Variants in TMEM132D observed in about 807,000 individuals in gnomAD.
The protein encoded by TMEM132D is transmembrane protein 132D.
A neutral mutation model predicts 62.3 loss-of-function variants in TMEM132D; 21 were observed. The ratio of observed to expected loss-of-function variants is 0.34; its 90% CI spans 0.24 to 0.49. The LOEUF (loss-of-function observed/expected upper bound fraction) is 0.49. Ranked by LOEUF, TMEM132D falls within the 20% of genes least tolerant of loss-of-function variation. The probability of loss-of-function intolerance (pLI) is 0.99; values close to 1 mark genes in which losing one functional copy is unlikely to be tolerated. For synonymous variants in TMEM132D, 621 were observed against 575.6 expected (o/e 1.08, Z -1.13); for missense variants, 1,346 against 1,402.8 (o/e 0.96, Z 0.65).
chr12:129,557,580 G>A (rs954478397), intron 2 of TMEM132D, among the ~76,000 whole-genome samples: 1 of 152,180 alleles, frequency 6.6e-6, no homozygotes, highest in Admixed American at 6.5e-5. Context: ...GCCAGGTGTG[G>A]TAAGGCATGC....
chr12:129,902,227 CTT>C (rs1430175126), intron 1 of TMEM132D, among the ~76,000 whole-genome samples: 1 of 152,234 alleles, frequency 6.6e-6, no homozygotes, highest in African/African-American at 2.4e-5. Context: ...AATTAAAAGA[CTT>C]TGTGCGTGAT....
intron 3 of TMEM132D, among the ~76,000 whole-genome samples, chr12:129,412,116 TA>T (rs1351068325): frequency 6.6e-6 from 1 of 151,884 alleles, no homozygotes; most frequent in South Asian, 2.1e-4. Flanking sequence ...AAAGCCACTT[TA>T]AAAAAATACA....
At position 129,244,413 on chromosome 12, in the gene TMEM132D, A is replaced by AAAAAAAAAC. The variant is rs1880034317; in HGVS notation, c.1300-34751_1300-34750insGTTTTTTTT. Reference sequence around the variant, plus strand: ...AAAAAAAAAAAAAAAAAAAAAACAAACAAAAAGGAACAAGGTCTCTTATTC... The same window carrying AAAAAAAAAC: ...AAAAAAAAAAAAAAAAAAAAAACAAAAAAAAAAACCAAAAAGGAACAAGGTCTCTTATTC... On this transcript the variant is annotated intron_variant, in intron 4 of 8. Coordinates refer to ENST00000422113, the MANE Select transcript of TMEM132D (RefSeq NM_133448.3). Among the ~76,000 whole-genome samples the AAAAAAAAAC allele has an allele frequency of 2.0e-5, 3 of 150,890 alleles. No homozygotes were observed. The South Asian group carries it at 6.3e-4, about 32-fold the overall frequency.
chr12:129,357,508 GAGAA>G (rs1485157354), intron 3 of TMEM132D, among the ~76,000 whole-genome samples: 7 of 149,596 alleles, frequency 4.7e-5, no homozygotes, highest in Admixed American at 2.7e-4. Context: ...ACAAAGGAAG[GAGAA>G]AGAAAGAAGG....
intron 4 of TMEM132D, among the ~76,000 whole-genome samples, chr12:129,284,676 C>T (rs1375175419): frequency 3.9e-5 from 6 of 152,106 alleles, no homozygotes; most frequent in Non-Finnish European, 8.8e-5. Context: ...TGCCCATTGG[C>T]GGATGCATGG....
intron 5 of TMEM132D, among the ~76,000 whole-genome samples, chr12:129,114,425 C>T (rs1322664025): frequency 6.6e-6 from 1 of 151,532 alleles, no homozygotes; most frequent in East Asian, 1.9e-4. Flanking sequence ...TCCCTCCTTC[C>T]CTCCTTCCTC....
At chr12:129,544,033 T>C (rs1035038476) in intron 2 of TMEM132D, among the ~76,000 whole-genome samples, 1 of 152,244 alleles carries the variant, frequency 6.6e-6, no homozygotes, top group South Asian at 2.1e-4. Flanking sequence ...AAGAGATGCA[T>C]GTGCTCAATT....
intron 1 of TMEM132D, among the ~76,000 whole-genome samples, chr12:129,799,775 G>A (rs1216692432): frequency 6.6e-6 from 1 of 152,172 alleles, no homozygotes. Flanking sequence ...CCATGGAAGG[G>A]CGGAGGGAGA....
At chr12:129,522,771 T>G (rs540634512) in intron 3 of TMEM132D, 1 of 151,936 alleles carries the variant, frequency 6.6e-6, no homozygotes, top group South Asian at 2.1e-4. Context: ...ATACTTTAGA[T>G]TTTACGGTGT....
At chr12:129,664,773 T>C (rs184207757) in intron 2 of TMEM132D, among the ~76,000 whole-genome samples, 35 of 152,140 alleles carry the variant, frequency 2.3e-4, no homozygotes, top group African/African-American at 7.7e-4. Context: ...TCAGAGAAGG[T>C]AGAAATCCTT....
At chr12:129,186,211 G>A (rs1423383403) in intron 5 of TMEM132D, among the ~76,000 whole-genome samples, 1 of 152,180 alleles carries the variant, frequency 6.6e-6, no homozygotes, top group African/African-American at 2.4e-5. Context: ...AAATTCAGGT[G>A]AGCAAAAGGC....
chr12:129,312,619 G>C (rs1001848171), intron 4 of TMEM132D, among the ~76,000 whole-genome samples: 54 of 152,126 alleles, frequency 3.5e-4, no homozygotes, highest in African/African-American at 1.2e-3. Context: ...GCCCAGGCTG[G>C]AGTGCAGTGG....
intron 3 of TMEM132D, among the ~76,000 whole-genome samples, chr12:129,513,526 C>G (rs185254638): frequency 1.5e-3 from 233 of 152,244 alleles, no homozygotes; most frequent in African/African-American, 5.3e-3. Flanking sequence ...ACTCTGTCGC[C>G]CGGGCTGGAG....
intron 3 of TMEM132D, among the ~76,000 whole-genome samples, chr12:129,419,975 C>A (rs1022538390): frequency 1.4e-4 from 22 of 152,078 alleles, no homozygotes; most frequent in Non-Finnish European, 2.2e-4. Context: ...TCATCATCTG[C>A]CCAAAATGAA....
chr12:129,203,990 C>T (rs1370324564), intron 5 of TMEM132D, among the ~76,000 whole-genome samples: 1 of 152,130 alleles, frequency 6.6e-6, no homozygotes. Context: ...CATAATCAAA[C>T]CCCCTAGAAC....
At chr12:129,200,833 C>T (rs1422287362) in intron 5 of TMEM132D, among the ~76,000 whole-genome samples, 2 of 152,230 alleles carry the variant, frequency 1.3e-5, no homozygotes, top group African/African-American at 4.8e-5. Flanking sequence ...AGAAGAGCTT[C>T]TCTGATTTTC....
intron 1 of TMEM132D, among the ~76,000 whole-genome samples, chr12:129,841,518 G>A (rs1200682153): frequency 2.0e-5 from 3 of 152,166 alleles, no homozygotes; most frequent in African/African-American, 7.2e-5. Flanking sequence ...GTTAATTTTA[G>A]CTTCTGTATT....
intron 3 of TMEM132D, among the ~76,000 whole-genome samples, chr12:129,372,576 AG>A (rs1870646499): frequency 9.4e-6 from 1 of 106,198 alleles, no homozygotes; most frequent in Non-Finnish European, 2.2e-5. Flanking sequence ...CTGTCAGATC[AG>A]GATCAGCAGT....
chr12:129,352,109 C>T (rs1869885958), intron 3 of TMEM132D, among the ~76,000 whole-genome samples: 1 of 152,242 alleles, frequency 6.6e-6, no homozygotes, highest in South Asian at 2.1e-4. Flanking sequence ...ACTTGCTGGG[C>T]TGCGTTCCCA....
Sources: gnomAD v4.1 joint callset for allele counts (sites outside exome capture counted in the v4.1 genomes callset) on GRCh38, gnomAD v4.1.1 for gene constraint, MANE v1.5 for transcripts, NCBI Gene and HGNC (gene_info 2026-07-23, HGNC 2026-07-21) for gene names.